ITGAE: variants seen among roughly 807,000 people sequenced by gnomAD.
ITGAE encodes the protein integrin alpha-E.
In ITGAE, 99 loss-of-function variants were observed where a neutral mutation model predicts 136.5. That is an observed-to-expected ratio of 0.73 (90% CI 0.62 to 0.86). The LOEUF (loss-of-function observed/expected upper bound fraction) is 0.86, where lower values mean the gene tolerates loss of function less well. Among genes scored for constraint, ITGAE ranks in the 40% least tolerant of loss-of-function variants. The pLI is 0.00. For missense variants in ITGAE, 1,447 were observed against 1,515.3 expected, an observed-to-expected ratio of 0.95 and a Z score of 0.75; for synonymous variants, 613 against 591.8, an observed-to-expected ratio of 1.04 and a Z score of -0.52.
At chr17:3,760,939 C>G in intron 6 of ITGAE, 74 bp downstream of exon 6, 1 of 1,532,360 alleles carries the variant, frequency 6.5e-7, no homozygotes, top group Non-Finnish European at 8.7e-7. Context: ...TGAGGCACCC[C>G]TCACCCTTGG....
intron 26 of ITGAE, chr17:3,724,325 C>A (rs1185511): frequency 1.9e-6 from 3 of 1,586,566 alleles, no homozygotes; most frequent in Non-Finnish European, 2.6e-6. Flanking sequence ...GCACACCCTG[C>A]GGCCCGCTCC....
intron 1 of ITGAE, among the ~76,000 whole-genome samples, chr17:3,784,993 A>G (rs2052750369): frequency 6.6e-6 from 1 of 152,026 alleles, no homozygotes; most frequent in South Asian, 2.1e-4. Context: ...TCTACCAAAA[A>G]TACAAAAAAT....
rs1227812765 is a variant in ITGAE at position 3,728,146 on chromosome 17, T to C, written c.2935A>G (p.Thr979Ala). The change falls in exon 25 of 31, where the codon ACA (threonine) becomes GCA (alanine). Residue 979 changes from threonine (T) to alanine (A), a missense_variant. This residue lies in a region of ITGAE where 1,031 missense variants were observed against 1,011.4 expected (regional missense o/e 1.02). Transcript: ENST00000263087. ...TTGTGGTGAGAAAGCCCCTGGCCTG[T>C]GTTCACGTACATTATGGATGGTCTG... ...LSKPSIMYVN[T>A]GQGLSHHKEF... 6.2e-6 allele frequency: 10 copies of C among 1,613,388 alleles called. No homozygotes were observed. The highest frequency in any genetic ancestry group is 1.7e-5 in the Admixed American group (1 of 60,020).
rs138266737 is a variant in ITGAE at position 3,758,140 on chromosome 17, C to T, written c.867-281G>A. ...TACAGGAAGACTCATGATATTAAAA[C>T]GATAGATAATACTCACATGGCACTT... On this transcript the variant is annotated intron_variant, in intron 8 of 30. Coordinates refer to ENST00000263087, the MANE Select transcript of ITGAE (RefSeq NM_002208.5). Among the ~76,000 whole-genome samples, 51 of 152,306 alleles carry T rather than the reference C, an allele frequency of 3.3e-4. 1 individual carries two copies. The East Asian group carries it at 4.2e-3, about 13-fold the overall frequency.
intron 15 of ITGAE, 47 bp downstream of exon 15, chr17:3,751,603 G>C (rs2051868770): frequency 1.0e-5 from 16 of 1,545,930 alleles, no homozygotes; most frequent in African/African-American, 2.7e-5. Context: ...ATATCTGAGA[G>C]AGGTCAGAGC....
At chr17:3,740,030 T>C (rs1371745791) in intron 19 of ITGAE, 152 bp from the exon 20 acceptor site, 1 of 662,174 alleles carries the variant, frequency 1.5e-6, no homozygotes, top group East Asian at 2.7e-5. Flanking sequence ...CAGGCTGGGA[T>C]TGTCCCCGAA....
chr17:3,733,474 T>C (rs749847062), intron 21 of ITGAE, among the ~76,000 whole-genome samples: 8 of 152,292 alleles, frequency 5.3e-5, no homozygotes, highest in South Asian at 2.1e-4. Flanking sequence ...CAGGCTGGAG[T>C]GCAGTGGCGC....
chr17:3,789,358 C>G (rs1567560064), intron 1 of ITGAE, among the ~76,000 whole-genome samples: 2 of 152,148 alleles, frequency 1.3e-5, no homozygotes. Context: ...TCTTGCCTTT[C>G]CTACATGAAG....
At position 3,743,609 on chromosome 17, in the gene ITGAE, C is replaced by G; in HGVS notation, c.2328G>C (p.Glu776Asp). 2 of 1,613,118 alleles carry G rather than the reference C, an allele frequency of 1.2e-6. No individual in the cohort carries two copies. The highest frequency in any genetic ancestry group is 1.7e-6 in the Non-Finnish European group (2 of 1,179,674). Residue 776 changes from glutamate (E) to aspartate (D), a missense_variant, in exon 19 of 31, where the codon GAG becomes GAC. This residue lies in a region of ITGAE where 1,031 missense variants were observed against 1,011.4 expected (regional missense o/e 1.02). Coordinates refer to ENST00000263087, the MANE Select transcript of ITGAE (RefSeq NM_002208.5). ...CACTGGCATTGGAGAAGCAGTCCTC[C>G]TCACAGAGCTGTGGGGTCACCACGG... is the stretch of plus-strand genomic sequence containing the variant. ...LLMPTEGELC[E>D]EDCFSNASVK...
At chr17:3,716,975 A>G in intron 29 of ITGAE, 177 bp from the exon 30 acceptor site, 1 of 555,122 alleles carries the variant, frequency 1.8e-6, no homozygotes, top group Admixed American at 3.3e-5. Context: ...TAGATCATCT[A>G]AAACTATCCA....
intron 20 of ITGAE, among the ~76,000 whole-genome samples, chr17:3,735,841 C>T (rs1199397571): frequency 6.6e-6 from 1 of 152,140 alleles, no homozygotes; most frequent in Admixed American, 6.6e-5. Context: ...AGCTACTCTC[C>T]ATTTTATAGA....
chr17:3,800,043 T>C lies in ITGAE; in HGVS notation c.34+1068A>G, dbSNP rs531918039. On this transcript the variant is annotated intron_variant, in intron 1 of 30. Transcript: ENST00000263087. ...CTGAGGCAGGAGAACTGCTTGAACC[T>C]GGGAGGCAGAAGTTATGGTGAGCCA... Among the ~76,000 whole-genome samples, 14 of 152,280 alleles carry C rather than the reference T, an allele frequency of 9.2e-5. No homozygotes were observed. The East Asian group carries it at 1.4e-3, about 15-fold the overall frequency.
chr17:3,767,584 C>T (rs946587379), intron 2 of ITGAE, among the ~76,000 whole-genome samples: 4 of 152,186 alleles, frequency 2.6e-5, no homozygotes, highest in Admixed American at 6.5e-5. Context: ...CTTCCATCAT[C>T]GTCCTGCCTT....
intron 7 of ITGAE, 149 bp from the exon 8 acceptor site, chr17:3,759,702 C>T (rs966286963): frequency 6.7e-6 from 6 of 895,684 alleles, no homozygotes; most frequent in African/African-American, 5.0e-5. Context: ...AATCTCTAAG[C>T]GAGTAGGGGT....
chr17:3,755,383 T>C, intron 11 of ITGAE, 122 bp from the exon 12 acceptor site: 1 of 1,172,542 alleles, frequency 8.5e-7, no homozygotes, highest in East Asian at 2.7e-5. Context: ...TTCGGTGGTC[T>C]AGTGCCCGCC....
intron 2 of ITGAE, among the ~76,000 whole-genome samples, chr17:3,776,410 T>A (rs2052541616): frequency 6.6e-6 from 1 of 152,062 alleles, no homozygotes; most frequent in Non-Finnish European, 1.5e-5. Flanking sequence ...TTTGCGACAA[T>A]CCTGTGAAGT....
intron 2 of ITGAE, among the ~76,000 whole-genome samples, chr17:3,769,730 C>A (rs757019839): frequency 1.3e-5 from 2 of 152,224 alleles, no homozygotes; most frequent in Non-Finnish European, 2.9e-5. Flanking sequence ...GTCTCCCAGG[C>A]TGGAGTGCAG....
At chr17:3,780,745 G>A (rs561984744) in intron 1 of ITGAE, among the ~76,000 whole-genome samples, 7 of 152,156 alleles carry the variant, frequency 4.6e-5, no homozygotes, top group African/African-American at 1.7e-4. Flanking sequence ...CTGTTGCCCT[G>A]GCTGGAGTGC....
chr17:3,727,978 C>A lies in ITGAE; in HGVS notation c.3025G>T (p.Val1009Phe). 1 of 1,614,060 alleles carries A rather than the reference C, an allele frequency of 6.2e-7. No individual in the cohort carries two copies. Among genetic ancestry groups the A allele is most frequent in the Non-Finnish European group, 8.5e-7 (1 of 1,179,970 alleles). ...TGGAGACCTCGTAATTTGGTTGGGACGCAAATTTGCAACTGGTATTCTGCT... is the reference window on the plus strand; with the variant it reads ...TGGAGACCTCGTAATTTGGTTGGGAAGCAAATTTGCAACTGGTATTCTGCT... ...FGAEYQLQIC[V>F]PTKLRGLQVV... Residue 1009 changes from valine to phenylalanine, a missense_variant, in exon 26 of 31, where the codon GTC (valine) becomes TTC (phenylalanine). This residue lies in a region of ITGAE where 1,031 missense variants were observed against 1,011.4 expected (regional missense o/e 1.02). Transcript: ENST00000263087.
Sources: allele counts gnomAD v4.1 joint callset (sites outside exome capture counted in the v4.1 genomes callset), GRCh38; gene constraint gnomAD v4.1.1; regional missense constraint gnomAD v4.1.1; transcripts MANE v1.5; gene names NCBI Gene and HGNC (gene_info 2026-07-23, HGNC 2026-07-21).